Variants in NCBP1 observed in about 807,000 individuals in gnomAD.
The protein encoded by NCBP1 is nuclear cap-binding protein subunit 1.
A neutral mutation model predicts 111.7 loss-of-function variants in NCBP1; 16 were observed. That is an observed-to-expected ratio of 0.14 (90% CI 0.10 to 0.22). The LOEUF is 0.22. Ranked by LOEUF, NCBP1 falls within the 10% of genes least tolerant of loss-of-function variation. NCBP1 has a pLI of 1.00. For synonymous variants in NCBP1, 304 were observed against 314.3 expected (o/e 0.97, Z 0.35); for missense variants, 607 against 957.5 (o/e 0.63, Z 4.83).
At position 97,664,398 on chromosome 9, in the gene NCBP1, T is replaced by C; in HGVS notation, c.1856T>C (p.Val619Ala). 4 of 1,612,964 alleles carry C rather than the reference T, an allele frequency of 2.5e-6. No homozygotes were observed. Among genetic ancestry groups the C allele is most frequent in the Admixed American group, 3.3e-5 (2 of 59,998 alleles). Residue 619 changes from valine to alanine, a missense_variant, in exon 19 of 23, where the codon GTA becomes GCA. Physicochemically the swap from Val to Ala is moderately conservative, Grantham distance 64. This residue lies in a region of NCBP1 where 282 missense variants were observed against 376.5 expected (regional missense o/e 0.75). Coordinates refer to ENST00000375147, the MANE Select transcript of NCBP1 (RefSeq NM_002486.5). ...ACACAAATAGTTGATTGTGCTGCCGTAGCAAATTGGATCTTCTCTTCAGAA... is the reference window on the plus strand; with the variant it reads ...ACACAAATAGTTGATTGTGCTGCCGCAGCAAATTGGATCTTCTCTTCAGAA... ...IRTQIVDCAA[V>A]ANWIFSSELS...
chr9:97,655,660 AT>A (rs753241036), intron 12 of NCBP1, 41 bp from the exon 13 acceptor site: 16 of 1,513,272 alleles, frequency 1.1e-5, no homozygotes, highest in Non-Finnish European at 1.4e-5. Flanking sequence ...AATCCCAGTT[AT>A]TCTTCCTTTT....
intron 14 of NCBP1, among the ~76,000 whole-genome samples, chr9:97,656,698 C>T (rs1295064558): frequency 6.6e-6 from 1 of 152,166 alleles, no homozygotes; most frequent in Middle Eastern, 3.2e-3. Context: ...ATGCTCACTC[C>T]CTTTTCGTCT....
At chr9:97,656,154 T>C in intron 14 of NCBP1, 69 bp downstream of exon 14, 1 of 1,244,646 alleles carries the variant, frequency 8.0e-7, no homozygotes, top group Non-Finnish European at 1.2e-6. Context: ...GCACTTGTGA[T>C]GTGTGTTCAG....
At chr9:97,643,396 TG>T (rs753296215) in intron 4 of NCBP1, 36 bp downstream of exon 4, 1 of 1,507,742 alleles carries the variant, frequency 6.6e-7, no homozygotes, top group East Asian at 2.5e-5. Flanking sequence ...TTATGACTAC[TG>T]TTGGGATGGA....
Position 97,668,988 on chromosome 9 carries a change from G to T in NCBP1, c.2145+14G>T. On this transcript the variant is annotated intron_variant, in intron 21 of 22. Transcript: ENST00000375147. ...GTTATATTTCAGGTATCTTGGCTTG[G>T]GACATTTATACATAAAAGGAAACAA... 6.3e-7 allele frequency: 1 copy of T among 1,592,780 alleles called. No homozygotes were observed. The highest frequency in any genetic ancestry group is 1.1e-5 in the South Asian group (1 of 87,350).
At chr9:97,657,784 G>A (rs1350063118) in intron 14 of NCBP1, among the ~76,000 whole-genome samples, 1 of 151,368 alleles carries the variant, frequency 6.6e-6, no homozygotes, top group Admixed American at 6.6e-5. Flanking sequence ...TATCAGTAGG[G>A]ACTAATTAAT....
At chr9:97,661,811 A>C (rs1827846635) in intron 16 of NCBP1, among the ~76,000 whole-genome samples, 1 of 149,966 alleles carries the variant, frequency 6.7e-6, no homozygotes, top group Non-Finnish European at 1.5e-5. Flanking sequence ...TTTTCAAGGA[A>C]TGGATGATAG....
At chr9:97,665,742 C>G (rs578151848) in intron 19 of NCBP1, among the ~76,000 whole-genome samples, 32 of 152,162 alleles carry the variant, frequency 2.1e-4, no homozygotes, top group African/African-American at 5.3e-4. Flanking sequence ...GTTAGAGACA[C>G]CGACTTCGCC....
At chr9:97,649,187 T>C (rs1827430870) in intron 8 of NCBP1, among the ~76,000 whole-genome samples, 1 of 152,202 alleles carries the variant, frequency 6.6e-6, no homozygotes. Context: ...ATTTTTAATA[T>C]ACATGTTCTT....
At chr9:97,641,418 TA>T in intron 2 of NCBP1, 143 bp from the exon 3 acceptor site, 1 of 549,334 alleles carries the variant, frequency 1.8e-6, no homozygotes, top group South Asian at 6.4e-5. Context: ...TTCACTAAAA[TA>T]GCAATTGAAA....
rs969372182 is a variant in NCBP1, at chr9:97,633,830, C to T, written c.-52C>T. On this transcript the variant is annotated 5_prime_UTR_variant, in exon 1 of 23. Transcript: ENST00000375147. ...GCGTCGGCCAGCGGCCAGACAGTTCCTGCAGCGCTTACCGCCTGGCCTCTC... is the reference window on the plus strand; with the variant it reads ...GCGTCGGCCAGCGGCCAGACAGTTCTTGCAGCGCTTACCGCCTGGCCTCTC... 2 of 1,552,974 alleles carry T rather than the reference C, an allele frequency of 1.3e-6. No individual in the cohort carries two copies. The highest frequency in any genetic ancestry group is 1.2e-5 in the South Asian group (1 of 85,040).
At chr9:97,634,294 C>T (rs1564014215) in intron 1 of NCBP1, among the ~76,000 whole-genome samples, 1 of 152,210 alleles carries the variant, frequency 6.6e-6, no homozygotes, top group Non-Finnish European at 1.5e-5. Flanking sequence ...TTCAAAGCTG[C>T]ACCTGAAAAG....
chr9:97,640,847 C>G lies in NCBP1; in HGVS notation c.88C>G (p.His30Asp). Reference protein sequence around the residue: ...KTSDANETEDHLESLICKVGE... With the variant: ...KTSDANETEDDLESLICKVGE... ...CTCTGATGCAAATGAAACTGAAGAT[C>G]ATTTGGAATCTTTAATATGTAAAGT... is the stretch of plus-strand genomic sequence containing the variant. The change falls in exon 2 of 23, where the codon CAT (histidine) becomes GAT (aspartate). Residue 30 changes from histidine (H) to aspartate (D), a missense_variant. By Grantham distance (81) the His-to-Asp change is moderately conservative. This residue lies in a region of NCBP1 where 185 missense variants were observed against 272.0 expected (regional missense o/e 0.68). Coordinates refer to ENST00000375147, the MANE Select transcript of NCBP1 (RefSeq NM_002486.5). 1 of 1,609,318 alleles carries G rather than the reference C, an allele frequency of 6.2e-7. No individual in the cohort carries two copies. The highest frequency in any genetic ancestry group is 8.5e-7 in the Non-Finnish European group (1 of 1,177,680).
chr9:97,668,533 T>A (rs938588686), intron 20 of NCBP1, among the ~76,000 whole-genome samples: 1 of 152,214 alleles, frequency 6.6e-6, no homozygotes, highest in Admixed American at 6.5e-5. Flanking sequence ...GCTGTCTCCC[T>A]GTTGTTACTG....
At chr9:97,662,383 C>T (rs528599852) in intron 17 of NCBP1, among the ~76,000 whole-genome samples, 4 of 152,158 alleles carry the variant, frequency 2.6e-5, no homozygotes, top group African/African-American at 9.6e-5. Context: ...TTTAAAGAAA[C>T]TAGTGAAAAA....
At chr9:97,660,204 G>A (rs141063095) in intron 15 of NCBP1, among the ~76,000 whole-genome samples, 124 of 152,256 alleles carry the variant, frequency 8.1e-4, no homozygotes, top group African/African-American at 2.7e-3. Flanking sequence ...GTCCTCACAT[G>A]ACTGTTGTAA....
chr9:97,655,880 C>A, intron 13 of NCBP1, 116 bp downstream of exon 13: 1 of 1,314,878 alleles, frequency 7.6e-7, no homozygotes, highest in Non-Finnish European at 1.1e-6. Context: ...TAGTTAAGTA[C>A]AAATAGTTAC....
chr9:97,633,953 GTTGGGAGCCGAGGCTCGGCGTCT>G (rs750625114), intron 1 of NCBP1, 38 bp downstream of exon 1: 1 of 1,559,782 alleles, frequency 6.4e-7, no homozygotes, highest in African/African-American at 1.4e-5. Flanking sequence ...GCCGCTCCCG[GTTGGGAGCCGAGGCTCGGCGTCT>G]TTGGGTGTCC....
At chr9:97,660,829 A>G in intron 15 of NCBP1, 117 bp from the exon 16 acceptor site, 1 of 1,196,400 alleles carries the variant, frequency 8.4e-7, no homozygotes, top group Non-Finnish European at 1.2e-6. Context: ...TGGGATAAAG[A>G]GCATCCTATT....
Sources: allele counts gnomAD v4.1 joint callset (sites outside exome capture counted in the v4.1 genomes callset), GRCh38; gene constraint gnomAD v4.1.1; regional missense constraint gnomAD v4.1.1; transcripts MANE v1.5; gene names NCBI Gene and HGNC (gene_info 2026-07-23, HGNC 2026-07-21).